TAF1: variants seen among roughly 807,000 people sequenced by gnomAD.
The protein encoded by TAF1 is TATA-box binding protein associated factor 1, also known as transcription initiation factor TFIID subunit 1.
In TAF1, 2 loss-of-function variants were observed where a neutral mutation model predicts 138.5. That is an observed-to-expected ratio of 0.01 (90% CI 0.01 to 0.05). The LOEUF (loss-of-function observed/expected upper bound fraction) is 0.05, where lower values mean the gene tolerates loss of function less well. TAF1 is among the 10% of genes least tolerant of loss of function. The pLI is 1.00. For missense variants in TAF1, 709 were observed against 1,478.0 expected, an observed-to-expected ratio of 0.48 and a Z score of 8.53; for synonymous variants, 437 against 503.2, an observed-to-expected ratio of 0.87 and a Z score of 1.76.
chrX:71,528,677 T>C, exon 14 of TAF1: 1 of 331,258 alleles, frequency 3.0e-6, no homozygotes, highest in Non-Finnish European at 5.9e-6. Context: ...TTCCTTCCAG[T>C]GGGTTCTTGG....
chrX:71,503,294 A>ATG (rs1556030910), intron 13 of TAF1, among the ~76,000 whole-genome samples: 6 of 85,065 alleles, frequency 7.1e-5, no homozygotes, highest in African/African-American at 2.6e-4. Flanking sequence ...ATATATATAT[A>ATG]TGTGTATATA....
chrX:71,470,426 C>CAT (rs773090753), downstream of TAF1, among the ~76,000 whole-genome samples: 12 of 108,701 alleles, frequency 1.1e-4, no homozygotes, highest in Admixed American at 2.0e-4. Flanking sequence ...GTATTATGCG[C>CAT]ATATATATAT....
At chrX:71,474,437 G>T (rs779935918) in intron 13 of TAF1, among the ~76,000 whole-genome samples, 10 of 111,712 alleles carry the variant, frequency 9.0e-5, no homozygotes, top group Non-Finnish European at 1.7e-4. Context: ...CAATGACTGG[G>T]TTGGAGAATA....
intron 28 of TAF1, chrX:71,413,773 A>G (rs758753743): frequency 7.2e-5 from 8 of 111,294 alleles, no homozygotes; most frequent in Non-Finnish European, 1.3e-4. Context: ...AATTTATTCC[A>G]TCTTCACTTC....
chrX:71,528,952 C>G (rs2040051083), intron 14 of TAF1, among the ~76,000 whole-genome samples: 1 of 111,917 alleles, frequency 8.9e-6, no homozygotes, highest in Non-Finnish European at 1.9e-5. Flanking sequence ...ACAGAGTGCT[C>G]TTTGGTGTTT....
chrX:71,458,994 G>C (rs1286248040), intron 35 of TAF1, among the ~76,000 whole-genome samples: 1 of 111,289 alleles, frequency 9.0e-6, no homozygotes, highest in Non-Finnish European at 1.9e-5. Context: ...AAGAATGGGG[G>C]AAAATGCGCA....
chrX:71,487,293 C>T (rs1314437018), intron 13 of TAF1, among the ~76,000 whole-genome samples: 1 of 100,241 alleles, frequency 1.0e-5, no homozygotes, highest in Non-Finnish European at 2.0e-5. Flanking sequence ...ACCTAATTTG[C>T]TGTTAGTCCC....
intron 13 of TAF1, among the ~76,000 whole-genome samples, chrX:71,483,471 C>T (rs1412997503): frequency 9.5e-6 from 1 of 105,017 alleles, no homozygotes; most frequent in Non-Finnish European, 1.9e-5. Context: ...GTGGTGGTCC[C>T]AGCTACTCAG....
intron 28 of TAF1, among the ~76,000 whole-genome samples, chrX:71,411,719 G>A (rs142317431): frequency 1.3e-4 from 15 of 112,131 alleles, no homozygotes; most frequent in Admixed American, 2.9e-4. Context: ...TATAATTCAC[G>A]TACCATGCAG....
rs576378217 is a variant in TAF1, at chrX:71,481,030, G to A, written c.1366+20227G>A. 1.5e-4 allele frequency among the ~76,000 whole-genome samples: 17 copies of A among 112,664 alleles called. No individual in the cohort carries two copies. The South Asian group carries it at 6.2e-3, about 41-fold the overall frequency. ...GCGGTGGCTCACGCCTGTAATCCCA[G>A]CATTTTGGGAGGCCGAGGCGGGCGG... is the stretch of plus-strand genomic sequence containing the variant. On this transcript the variant is annotated intron_variant and NMD_transcript_variant, in intron 13 of 14. Coordinates refer to the TAF1 transcript ENST00000373775.
intron 13 of TAF1, among the ~76,000 whole-genome samples, chrX:71,511,598 G>C (rs1005213621): frequency 2.7e-5 from 3 of 112,589 alleles, no homozygotes; most frequent in African/African-American, 9.7e-5. Flanking sequence ...ATTCCTTTAT[G>C]GGGTGAAACT....
intron 8 of TAF1, among the ~76,000 whole-genome samples, chrX:71,379,843 C>G (rs1464511810): frequency 9.2e-6 from 1 of 109,073 alleles, no homozygotes; most frequent in Non-Finnish European, 1.9e-5. Context: ...CTTAGGTGAT[C>G]TACCTGCCTC....
chrX:71,478,987 C>T (rs1282064360), intron 13 of TAF1, among the ~76,000 whole-genome samples: 1 of 112,350 alleles, frequency 8.9e-6, no homozygotes, highest in Non-Finnish European at 1.9e-5. Flanking sequence ...AATTCTTGCA[C>T]CACCGTACCA....
At chrX:71,425,394 G>T (rs2036545865) in intron 32 of TAF1, among the ~76,000 whole-genome samples, 1 of 111,891 alleles carries the variant, frequency 8.9e-6, no homozygotes, top group Non-Finnish European at 1.9e-5. Flanking sequence ...CACTTTGGTA[G>T]GCTGAGGTGG....
chrX:71,485,972 A>T (rs2039163602), intron 13 of TAF1, among the ~76,000 whole-genome samples: 2 of 108,623 alleles, frequency 1.8e-5, no homozygotes, highest in Admixed American at 1.0e-4. Context: ...TTTATTTATT[A>T]TTTATTTATT....
chrX:71,394,824 C>T (rs761650752), intron 22 of TAF1, among the ~76,000 whole-genome samples: 5 of 111,027 alleles, frequency 4.5e-5, no homozygotes, highest in Middle Eastern at 4.6e-3. Flanking sequence ...TTCCTCCTGC[C>T]TCAGCCTCCT....
At chrX:71,379,689 C>G (rs1173060342) in intron 8 of TAF1, among the ~76,000 whole-genome samples, 6 of 106,214 alleles carry the variant, frequency 5.6e-5, no homozygotes, top group African/African-American at 1.7e-4. Context: ...TGCAATCTCT[C>G]CCTCCTGGGC....
chrX:71,403,210 G>A (rs1368723953), intron 25 of TAF1, among the ~76,000 whole-genome samples: 1 of 110,159 alleles, frequency 9.1e-6, no homozygotes, highest in Non-Finnish European at 1.9e-5. Context: ...TGTATTTTTT[G>A]TAGAGACAGG....
At chrX:71,372,758 T>C (rs1281306441) in intron 3 of TAF1, among the ~76,000 whole-genome samples, 1 of 112,203 alleles carries the variant, frequency 8.9e-6, no homozygotes, top group African/African-American at 3.2e-5. Context: ...CTCTTCCGTA[T>C]CTCAGGATAA....
Sources: allele counts gnomAD v4.1 joint callset (sites outside exome capture counted in the v4.1 genomes callset), GRCh38; gene constraint gnomAD v4.1.1; transcripts MANE v1.5; gene names NCBI Gene and HGNC (gene_info 2026-07-23, HGNC 2026-07-21).